Variants in UBN2 observed in about 807,000 individuals in gnomAD.
UBN2 encodes ubinuclein-2.
In UBN2, 35 loss-of-function variants were observed where a neutral mutation model predicts 120.2. The observed-to-expected ratio is 0.29, with a 90% CI of 0.22 to 0.39. The LOEUF (loss-of-function observed/expected upper bound fraction) is 0.39, where lower values mean the gene tolerates loss of function less well. UBN2 is among the 10% of genes least tolerant of loss of function. The pLI, the probability that UBN2 is intolerant of heterozygous loss-of-function variation, is 1.00. For synonymous variants in UBN2, 661 were observed against 648.7 expected (o/e 1.02, Z -0.29); for missense variants, 1,693 against 1,663.2 (o/e 1.02, Z -0.31).
Position 139,231,642 on chromosome 7 carries a change from C to A in UBN2, c.158C>A (p.Ala53Asp). Residue 53 changes from alanine (A) to aspartate (D), a missense_variant, in exon 1 of 18, where the codon GCC (alanine) becomes GAC (aspartate). By Grantham distance (126) the Ala-to-Asp change is moderately radical (BLOSUM62 -2). Transcript: ENST00000473989. ...GAGCCGGCCCGGGCGGAGCCGCCGG[C>A]CCCGCGGGAGCCTGCCCCCCGCTCG... ...YREPARAEPP[A>D]PREPAPRSDA... 3.3e-6 allele frequency: 4 copies of A among 1,224,312 alleles called. No individual in the cohort carries two copies. Among genetic ancestry groups the A allele is most frequent in the East Asian group, 3.4e-5 (1 of 29,130 alleles). The allele number at this position is 1,224,312 out of a possible 1,614,324, so 75.8% of individuals were successfully genotyped here. A position where few individuals can be genotyped will look rare whatever the true frequency, so the allele number is the denominator to read the frequency against.
In UBN2 at chr7:139,261,618, G is replaced by C. The variant is rs150369714; in HGVS notation, c.1272G>C (p.Ser424=). ...AASDGSPLSE[S]GGENGTTTQP... is the part of the protein sequence containing the mutation. ...CTGATGGTAGCCCCCTATCTGAGTC[G>C]GGGGGTGAAAATGGAACCACCACCC... The change falls in exon 6 of 18, where the codon TCG becomes TCC. Residue 424 remains serine (S), a synonymous_variant. Transcript: ENST00000473989. 4 of 1,613,690 alleles carry C rather than the reference G, an allele frequency of 2.5e-6. No individual in the cohort carries two copies. In the African/African-American group the frequency reaches 5.3e-5, roughly 22 times the overall value.
In UBN2 at chr7:139,284,109, G is replaced by T. The variant is rs1797700958; in HGVS notation, c.3204G>T (p.Lys1068Asn). 1.1e-5 allele frequency: 18 copies of T among 1,614,082 alleles called. No homozygotes were observed. The highest frequency in any genetic ancestry group is 1.4e-5 in the Non-Finnish European group (16 of 1,180,022). Residue 1068 changes from lysine to asparagine, a missense_variant, in exon 15 of 18, where the codon AAG becomes AAT. Around this residue, in one of 5 missense-constraint regions of UBN2, gnomAD observed 837 missense variants for 817.6 expected, o/e 1.02. Transcript: ENST00000473989. The part of the protein sequence containing the change: ...SASPKPSLSA[K>N]PSVSTKLISK... ...CACCCAAGCCCTCTCTGTCAGCTAA[G>T]CCTTCAGTATCAACTAAACTTATTT...
chr7:139,237,151 T>TAATAAACTGATCACTTAGGTAA, intron 2 of UBN2, 54 bp downstream of exon 2: 5 of 1,348,322 alleles, frequency 3.7e-6, no homozygotes, highest in Non-Finnish European at 4.2e-6. Context: ...ACCTGTTTGC[T>TAATAAACTGATCACTTAGGTAA]TTCTGTGGCT....
the UBN2 span, among the ~76,000 whole-genome samples, chr7:139,325,714 A>G: frequency 6.6e-6 from 1 of 152,190 alleles, no homozygotes; most frequent in Non-Finnish European, 1.5e-5. Context: ...TAGCACATCC[A>G]GGTTGCCAGT....
In UBN2 at chr7:139,273,336, A is replaced by G; in HGVS notation, c.1755A>G (p.Glu585=). ...AAGAACGAGAAAAAAATGGATCTGA[A>G]GAGGATGATGATGAGAAACCAGGAA... The part of the protein sequence containing the change: ...TDEEREKNGS[E]EDDDEKPGKR... Residue 585 remains glutamate, a synonymous_variant, in exon 10 of 18, where the codon GAA becomes GAG. Coordinates refer to ENST00000473989, the MANE Select transcript of UBN2 (RefSeq NM_173569.4). 1.2e-6 allele frequency: 2 copies of G among 1,609,766 alleles called. No individual in the cohort carries two copies. The highest frequency in any genetic ancestry group is 1.7e-6 in the Non-Finnish European group (2 of 1,177,706).
intron 7 of UBN2, among the ~76,000 whole-genome samples, chr7:139,267,149 A>C (rs1797122809): frequency 6.6e-6 from 1 of 152,220 alleles, no homozygotes. Context: ...GCAAAAAAGT[A>C]ATCATGAGGA....
chr7:139,231,960 A>G lies in UBN2; in HGVS notation c.468+8A>G, dbSNP rs1435617522. 3 of 1,575,870 alleles carry G rather than the reference A, an allele frequency of 1.9e-6. No homozygotes were observed. Among genetic ancestry groups the G allele is most frequent in the Admixed American group, 3.4e-5 (2 of 58,908 alleles). ...CTGTGCGGAGAACAACGGGTACAGA[A>G]GATTCTTCCCTCCTGCCCCAGACCC... On this transcript the variant is annotated splice_region_variant and intron_variant, in intron 1 of 17. Coordinates refer to ENST00000473989, the MANE Select transcript of UBN2 (RefSeq NM_173569.4).
chr7:139,319,543 C>T, the UBN2 span, among the ~76,000 whole-genome samples: 2 of 152,098 alleles, frequency 1.3e-5, no homozygotes, highest in African/African-American at 4.8e-5. Flanking sequence ...ATTGCTTGAG[C>T]CCAGGAGTTC....
chr7:139,285,397 T>G (rs1412931602), intron 15 of UBN2, among the ~76,000 whole-genome samples: 4 of 152,206 alleles, frequency 2.6e-5, no homozygotes, highest in Admixed American at 1.3e-4. Context: ...ACCTGATAAT[T>G]TCTTTCTGTG....
chr7:139,270,357 C>G (rs1478235412), intron 8 of UBN2, among the ~76,000 whole-genome samples: 1 of 150,972 alleles, frequency 6.6e-6, no homozygotes, highest in African/African-American at 2.4e-5. Flanking sequence ...CAACCACCAT[C>G]TCCCAGGTTC....
intron 4 of UBN2, 72 bp downstream of exon 4, chr7:139,258,697 TCA>T (rs966855992): frequency 3.0e-6 from 4 of 1,341,994 alleles, no homozygotes; most frequent in African/African-American, 1.5e-5. Context: ...GTTACTTGTG[TCA>T]CACGTGTGAA....
At chr7:139,238,524 A>G (rs1376788781) in intron 2 of UBN2, among the ~76,000 whole-genome samples, 2 of 152,084 alleles carry the variant, frequency 1.3e-5, no homozygotes, top group Non-Finnish European at 2.9e-5. Context: ...CCTGGGTTCA[A>G]GCAATTCTTC....
intron 15 of UBN2, among the ~76,000 whole-genome samples, chr7:139,290,268 T>C (rs1196063235): frequency 6.6e-6 from 1 of 152,146 alleles, no homozygotes; most frequent in Non-Finnish European, 1.5e-5. Context: ...TGCAGGATCT[T>C]TTCTTTCCCA....
intron 3 of UBN2, among the ~76,000 whole-genome samples, chr7:139,257,314 T>C (rs1449057774): frequency 6.6e-6 from 1 of 152,246 alleles, no homozygotes; most frequent in African/African-American, 2.4e-5. Context: ...TCCTCAAGTA[T>C]GTGCTTTCTG....
chr7:139,324,522 C>T, the UBN2 span, among the ~76,000 whole-genome samples: 5 of 138,956 alleles, frequency 3.6e-5, no homozygotes, highest in African/African-American at 5.5e-5. Flanking sequence ...CGCCACAGCA[C>T]TCCAGCCTGG....
chr7:139,309,650 C>T (rs1378190964), downstream of UBN2, among the ~76,000 whole-genome samples: 1 of 152,154 alleles, frequency 6.6e-6, no homozygotes, highest in Non-Finnish European at 1.5e-5. Flanking sequence ...GCCGGTGGAT[C>T]ACCTGAGGTC....
chr7:139,274,092 C>T lies in UBN2; in HGVS notation c.1973+18C>T. 6.4e-7 allele frequency: 1 copy of T among 1,570,594 alleles called. No homozygotes were observed. The highest frequency in any genetic ancestry group is 1.2e-5 in the South Asian group (1 of 83,484). On this transcript the variant is annotated intron_variant, in intron 11 of 17. Coordinates refer to ENST00000473989, the MANE Select transcript of UBN2 (RefSeq NM_173569.4). ...CAGGCAAGGTAAGAAATGTGACTTA[C>T]TGGATTTTATTTTATTTTATTATTA...
At chr7:139,251,276 C>T (rs1796618858) in intron 2 of UBN2, among the ~76,000 whole-genome samples, 1 of 152,142 alleles carries the variant, frequency 6.6e-6, no homozygotes, top group African/African-American at 2.4e-5. Flanking sequence ...CACCCACTGT[C>T]CCCTGTTGTT....
At chr7:139,274,260 C>T (rs990389609) in intron 11 of UBN2, among the ~76,000 whole-genome samples, 186 bp downstream of exon 11, 5 of 152,074 alleles carry the variant, frequency 3.3e-5, no homozygotes, top group African/African-American at 1.2e-4. Context: ...AAAACAGTCG[C>T]GCACACAGAG....
Sources: allele counts gnomAD v4.1 joint callset (sites outside exome capture counted in the v4.1 genomes callset), GRCh38; gene constraint gnomAD v4.1.1; regional missense constraint gnomAD v4.1.1; transcripts MANE v1.5; gene names NCBI Gene and HGNC (gene_info 2026-07-23, HGNC 2026-07-21).